Variants in KITLG observed in about 807,000 individuals in gnomAD.
The protein encoded by KITLG is KIT ligand.
Under a neutral mutation model 34.1 loss-of-function variants are expected in KITLG, and 13 were observed. That is an observed-to-expected ratio of 0.38 (90% CI 0.25 to 0.61). The LOEUF is 0.61. Among genes scored for constraint, KITLG ranks in the 20% least tolerant of loss-of-function variants. The probability of loss-of-function intolerance (pLI) is 0.60; values close to 1 mark genes in which losing one functional copy is unlikely to be tolerated. For synonymous variants in KITLG, 110 were observed against 104.0 expected (o/e 1.06, Z -0.35); for missense variants, 292 against 318.9 (o/e 0.92, Z 0.64).
intron 7 of KITLG, 128 bp from the exon 8 acceptor site, chr12:88,506,506 T>A: frequency 1.4e-6 from 1 of 729,756 alleles, no homozygotes; most frequent in Non-Finnish European, 2.5e-6. Flanking sequence ...GCATGTAGCA[T>A]GCAAAATATC....
At chr12:88,529,844 C>T (rs973530223) in intron 3 of KITLG, among the ~76,000 whole-genome samples, 35 of 152,306 alleles carry the variant, frequency 2.3e-4, no homozygotes, top group Middle Eastern at 3.4e-3. Flanking sequence ...ATGCTCTAAA[C>T]GTGGCCTTGT....
intron 1 of KITLG, among the ~76,000 whole-genome samples, chr12:88,550,662 G>A (rs1870879330): frequency 6.6e-6 from 1 of 152,180 alleles, no homozygotes. Context: ...AAATCAGTAA[G>A]CCCAGGTCTG....
intron 1 of KITLG, among the ~76,000 whole-genome samples, chr12:88,563,512 C>T (rs1871354891): frequency 6.6e-6 from 1 of 152,202 alleles, no homozygotes; most frequent in Non-Finnish European, 1.5e-5. Flanking sequence ...CATCCCTCCC[C>T]CAAAATAGGC....
chr12:88,551,829 G>T (rs1870925169), intron 1 of KITLG, among the ~76,000 whole-genome samples: 1 of 152,130 alleles, frequency 6.6e-6, no homozygotes, highest in Admixed American at 6.6e-5. Flanking sequence ...TTCCAGACAT[G>T]ATTACGTTAA....
intron 3 of KITLG, 50 bp downstream of exon 3, chr12:88,532,391 A>G (rs776232753): frequency 7.6e-7 from 1 of 1,319,702 alleles, no homozygotes; most frequent in Non-Finnish European, 1.1e-6. Context: ...GAATGATCCC[A>G]TTTCTTCTAT....
chr12:88,545,913 T>C (rs373201406), intron 1 of KITLG, 48 bp from the exon 2 acceptor site: 6 of 1,132,212 alleles, frequency 5.3e-6, no homozygotes, highest in African/African-American at 4.6e-5. Context: ...TTAAGATCTG[T>C]AATCATTCAA....
chr12:88,573,800 G>A (rs1442093032), intron 1 of KITLG, among the ~76,000 whole-genome samples: 2 of 152,304 alleles, frequency 1.3e-5, no homozygotes, highest in African/African-American at 4.8e-5. Flanking sequence ...TTTTTCAAGT[G>A]AGCACCGATG....
chr12:88,503,307 TGAA>T (rs1203954000), intron 9 of KITLG, among the ~76,000 whole-genome samples: 1 of 152,192 alleles, frequency 6.6e-6, no homozygotes, highest in Non-Finnish European at 1.5e-5. Flanking sequence ...TCAGTTCCAC[TGAA>T]GAAGATTAAG....
Position 88,507,041 on chromosome 12 carries a change from G to T in KITLG, c.701C>A (p.Ala234Asp). 6.3e-7 allele frequency: 1 copy of T among 1,587,550 alleles called. No homozygotes were observed. Among genetic ancestry groups the T allele is most frequent in the Non-Finnish European group, 8.7e-7 (1 of 1,155,944 alleles). The part of the protein sequence containing the change: ...FSLIIGFAFG[A>D]LYWKKRQPSL... ...GGTACCACTTACCTTCCAGTATAAGGCTCCAAAAGCAAAGCCAATTATAAG... is the reference window on the plus strand; with the variant it reads ...GGTACCACTTACCTTCCAGTATAAGTCTCCAAAAGCAAAGCCAATTATAAG... The change falls in exon 7 of 10, where the codon GCC (alanine) becomes GAC (aspartate). Residue 234 changes from alanine (A) to aspartate (D), a missense_variant. By Grantham distance (126) the Ala-to-Asp change is moderately radical (BLOSUM62 -2). This residue lies in a region of KITLG where 140 missense variants were observed against 111.0 expected (regional missense o/e 1.26). Transcript: ENST00000644744.
chr12:88,571,683 T>C (rs1462938980), intron 1 of KITLG, among the ~76,000 whole-genome samples: 1 of 152,204 alleles, frequency 6.6e-6, no homozygotes, highest in East Asian at 1.9e-4. Flanking sequence ...TACTGAGCAG[T>C]TGGCAGGAGC....
chr12:88,556,333 T>C (rs1014312674), intron 1 of KITLG, among the ~76,000 whole-genome samples: 2 of 151,314 alleles, frequency 1.3e-5, no homozygotes, highest in Non-Finnish European at 2.9e-5. Flanking sequence ...AGCAAGGGAG[T>C]GTCAAGATCT....
intron 5 of KITLG, 24 bp downstream of exon 5, chr12:88,516,310 A>G (rs748729593): frequency 6.2e-7 from 1 of 1,602,164 alleles, no homozygotes; most frequent in African/African-American, 1.3e-5. Context: ...TTACATTTGA[A>G]CTGGAAATGC....
At chr12:88,572,907 A>C (rs1871703108) in intron 1 of KITLG, among the ~76,000 whole-genome samples, 1 of 152,180 alleles carries the variant, frequency 6.6e-6, no homozygotes, top group African/African-American at 2.4e-5. Context: ...CTAACAGAGC[A>C]CATCAAAGAT....
intron 1 of KITLG, among the ~76,000 whole-genome samples, chr12:88,578,750 A>G (rs1235970610): frequency 6.6e-6 from 1 of 152,172 alleles, no homozygotes; most frequent in Non-Finnish European, 1.5e-5. Flanking sequence ...CTGAACTAGA[A>G]GGTAGCAGCT....
intron 1 of KITLG, among the ~76,000 whole-genome samples, chr12:88,546,894 G>A (rs2120915264): frequency 6.6e-6 from 1 of 152,264 alleles, no homozygotes; most frequent in South Asian, 2.1e-4. Flanking sequence ...CACAGAAGAG[G>A]AAGCAATTAA....
chr12:88,557,057 G>A (rs1871119300), intron 1 of KITLG, among the ~76,000 whole-genome samples: 1 of 152,186 alleles, frequency 6.6e-6, no homozygotes, highest in Non-Finnish European at 1.5e-5. Context: ...AAAGAAAGAA[G>A]AGAGTGAGTG....
At chr12:88,566,412 A>C (rs1396055764) in intron 1 of KITLG, among the ~76,000 whole-genome samples, 2 of 152,228 alleles carry the variant, frequency 1.3e-5, no homozygotes, top group Non-Finnish European at 2.9e-5. Flanking sequence ...TAAGTAAAAA[A>C]ATAACTTCAA....
At chr12:88,513,051 T>C (rs564486713) in intron 6 of KITLG, among the ~76,000 whole-genome samples, 12 of 151,944 alleles carry the variant, frequency 7.9e-5, no homozygotes, top group African/African-American at 2.2e-4. Flanking sequence ...TTCAAAGAAA[T>C]AATTGAACTG....
chr12:88,560,903 G>A (rs1043454302), intron 1 of KITLG, among the ~76,000 whole-genome samples: 3 of 145,890 alleles, frequency 2.1e-5, no homozygotes, highest in Non-Finnish European at 4.5e-5. Flanking sequence ...GGGAGGCGGA[G>A]GTTGCGGTGA....
Sources: allele counts gnomAD v4.1 joint callset (sites outside exome capture counted in the v4.1 genomes callset), GRCh38; gene constraint gnomAD v4.1.1; regional missense constraint gnomAD v4.1.1; transcripts MANE v1.5; gene names NCBI Gene and HGNC (gene_info 2026-07-23, HGNC 2026-07-21).